The following PTPRD variants were observed in gnomAD, a reference collection of about 807,000 sequenced individuals.
PTPRD encodes receptor-type tyrosine-protein phosphatase delta.
Under a neutral mutation model 214.5 loss-of-function variants are expected in PTPRD, and 34 were observed. The observed-to-expected ratio is 0.16, with a 90% CI of 0.12 to 0.21. The LOEUF (loss-of-function observed/expected upper bound fraction) is 0.21, where lower values mean the gene tolerates loss of function less well. Ranked by LOEUF, PTPRD falls within the 10% of genes least tolerant of loss-of-function variation. The pLI is 1.00. For synonymous variants in PTPRD, 1,128 were observed against 845.7 expected, an observed-to-expected ratio of 1.33 and a Z score of -5.79; for missense variants, 2,545 against 2,398.7, an observed-to-expected ratio of 1.06 and a Z score of -1.27.
At chr9:9,364,405 T>A (rs371865479) in intron 9 of PTPRD, among the ~76,000 whole-genome samples, 1 of 151,332 alleles carries the variant, frequency 6.6e-6, no homozygotes, top group South Asian at 2.1e-4. Flanking sequence ...TTGGTGAGTG[T>A]TGGAGAAGGG....
chr9:10,176,143 T>A (rs1039386921), intron 3 of PTPRD, among the ~76,000 whole-genome samples: 3 of 152,016 alleles, frequency 2.0e-5, no homozygotes, highest in African/African-American at 7.2e-5. Context: ...TAAATACTTC[T>A]TACTCAATAT....
At chr9:9,858,889 G>T (rs1185028221) in intron 5 of PTPRD, among the ~76,000 whole-genome samples, 1 of 152,088 alleles carries the variant, frequency 6.6e-6, no homozygotes, top group Non-Finnish European at 1.5e-5. Flanking sequence ...TATGGAAACT[G>T]GAACTCAGAG....
intron 5 of PTPRD, among the ~76,000 whole-genome samples, chr9:9,789,633 T>TA: frequency 6.6e-6 from 1 of 151,382 alleles, no homozygotes. Flanking sequence ...CCGTCCCTAC[T>TA]AAAAATACAA....
At chr9:8,372,392 T>G (rs2081826342) in intron 39 of PTPRD, among the ~76,000 whole-genome samples, 1 of 152,046 alleles carries the variant, frequency 6.6e-6, no homozygotes, top group Admixed American at 6.6e-5. Context: ...TCTCAAGTGC[T>G]TTATATGTAT....
intron 3 of PTPRD, among the ~76,000 whole-genome samples, chr9:10,340,565 T>C (rs761184244): frequency 6.6e-6 from 1 of 151,940 alleles, no homozygotes; most frequent in South Asian, 2.1e-4. Flanking sequence ...AGATATTAAA[T>C]AGCCCTACAT....
intron 18 of PTPRD, among the ~76,000 whole-genome samples, chr9:8,524,523 T>A (rs182916709): frequency 1.3e-5 from 2 of 152,096 alleles, no homozygotes; most frequent in East Asian, 1.9e-4. Flanking sequence ...ATGCTTGGAA[T>A]TGCACAGAGA....
intron 7 of PTPRD, among the ~76,000 whole-genome samples, chr9:9,723,029 G>A (rs1465114041): frequency 3.3e-5 from 5 of 152,018 alleles, no homozygotes; most frequent in African/African-American, 1.2e-4. Flanking sequence ...AAGCACAGAA[G>A]ACTTTAAGTT....
intron 10 of PTPRD, among the ~76,000 whole-genome samples, chr9:9,134,434 C>T (rs1175823434): frequency 6.6e-6 from 1 of 152,120 alleles, no homozygotes; most frequent in Non-Finnish European, 1.5e-5. Context: ...ATTCTCTTGG[C>T]TTTACCTTCT....
At chr9:9,432,453 C>A (rs1221089828) in intron 8 of PTPRD, among the ~76,000 whole-genome samples, 1 of 152,124 alleles carries the variant, frequency 6.6e-6, no homozygotes, top group African/African-American at 2.4e-5. Context: ...GGTGGATGTA[C>A]TATTATTTGT....
At chr9:8,653,096 C>A (rs2096844934) in intron 12 of PTPRD, among the ~76,000 whole-genome samples, 1 of 152,076 alleles carries the variant, frequency 6.6e-6, no homozygotes, top group African/African-American at 2.4e-5. Context: ...GTAACCTAGA[C>A]AGAGTAAAAG....
chr9:10,019,223 T>A (rs2096791723), intron 4 of PTPRD, among the ~76,000 whole-genome samples: 1 of 152,064 alleles, frequency 6.6e-6, no homozygotes, highest in Non-Finnish European at 1.5e-5. Flanking sequence ...AAAACCACAG[T>A]GAGATACCAT....
At chr9:8,641,075 T>C (rs1316906647) in intron 12 of PTPRD, among the ~76,000 whole-genome samples, 1 of 148,452 alleles carries the variant, frequency 6.7e-6, no homozygotes, top group Non-Finnish European at 1.5e-5. Context: ...CCCTTCTCCA[T>C]ATCTCAGTTT....
rs879030066 is a variant in PTPRD at position 8,317,306 on chromosome 9, G to C, written c.*568C>G. On this transcript the variant is annotated 3_prime_UTR_variant, in exon 46 of 46. Coordinates refer to ENST00000381196, the MANE Select transcript of PTPRD (RefSeq NM_002839.4). The stretch of plus-strand genomic sequence containing the variant: ...TTCACTTTATCGAATGATACATTTT[G>C]TTAAAAAAAAGTTTACACAGTTAGA... 3 of 231,940 alleles carry C rather than the reference G, an allele frequency of 1.3e-5. No homozygotes were observed. In the Admixed American group the frequency reaches 1.7e-4, roughly 13 times the overall value. 14.4% of individuals were successfully genotyped at this position (231,940 alleles called of 1,614,324 possible). A position where few individuals can be genotyped will look rare whatever the true frequency, so the allele number is the denominator to read the frequency against.
chr9:9,010,947 A>G (rs151285446), intron 11 of PTPRD, among the ~76,000 whole-genome samples: 23 of 152,278 alleles, frequency 1.5e-4, no homozygotes, highest in African/African-American at 5.5e-4. Flanking sequence ...AAATACCATT[A>G]TTTTTAAATT....
intron 10 of PTPRD, among the ~76,000 whole-genome samples, chr9:9,174,699 T>A (rs894957394): frequency 6.6e-6 from 1 of 152,204 alleles, no homozygotes; most frequent in Non-Finnish European, 1.5e-5. Flanking sequence ...TTTCTAATAT[T>A]TCAAAAAGTG....
chr9:10,389,713 A>G (rs1472915218), intron 2 of PTPRD, among the ~76,000 whole-genome samples: 1 of 151,664 alleles, frequency 6.6e-6, no homozygotes, highest in Non-Finnish European at 1.5e-5. Flanking sequence ...TCTCCATACC[A>G]CTCATCATTG....
intron 2 of PTPRD, among the ~76,000 whole-genome samples, chr9:10,596,961 A>G (rs993382889): frequency 2.0e-5 from 3 of 151,680 alleles, no homozygotes; most frequent in East Asian, 3.9e-4. Context: ...ATAAATATTT[A>G]TAGGTGTTTT....
At chr9:9,511,871 G>A (rs1450163836) in intron 8 of PTPRD, among the ~76,000 whole-genome samples, 1 of 151,650 alleles carries the variant, frequency 6.6e-6, no homozygotes, top group African/African-American at 2.4e-5. Context: ...AACAACTTTA[G>A]GTTTTCCCCT....
At chr9:8,709,065 A>G (rs1217193407) in intron 12 of PTPRD, among the ~76,000 whole-genome samples, 1 of 152,104 alleles carries the variant, frequency 6.6e-6, no homozygotes, top group Non-Finnish European at 1.5e-5. Context: ...TAGAAGTAGA[A>G]AGTGGAATAG....
Sources: gnomAD v4.1 joint callset for allele counts (sites outside exome capture counted in the v4.1 genomes callset) on GRCh38, gnomAD v4.1.1 for gene constraint, MANE v1.5 for transcripts, NCBI Gene and HGNC (gene_info 2026-07-23, HGNC 2026-07-21) for gene names.